The following SMIM35 variants were observed in gnomAD, a reference collection of about 807,000 sequenced individuals.
SMIM35 encodes TMPRSS4 antisense RNA 1 (non-protein coding).
intron 1 of SMIM35, among the ~76,000 whole-genome samples, chr11:118,030,308 T>A (rs1408224507): frequency 6.6e-6 from 1 of 152,158 alleles, no homozygotes; most frequent in Non-Finnish European, 1.5e-5. Context: ...GTGTTGGGAT[T>A]ACAGGTGTGA....
At chr11:118,035,187 A>G (rs2135065562) in intron 1 of SMIM35, among the ~76,000 whole-genome samples, 1 of 152,174 alleles carries the variant, frequency 6.6e-6, no homozygotes, top group Admixed American at 6.5e-5. Flanking sequence ...CCTGACCACA[A>G]GTGATCCACC....
chr11:118,026,861 T>G (rs2058278413), intron 1 of SMIM35, among the ~76,000 whole-genome samples: 1 of 152,002 alleles, frequency 6.6e-6, no homozygotes, highest in African/African-American at 2.4e-5. Flanking sequence ...TAGCCAAGAA[T>G]CTATGGTAAA....
At chr11:118,055,733 T>C (rs753363628) in intron 1 of SMIM35, among the ~76,000 whole-genome samples, 2 of 152,220 alleles carry the variant, frequency 1.3e-5, no homozygotes, top group Non-Finnish European at 2.9e-5. Context: ...CCTCCTTGGT[T>C]ATTGATTCGA....
intron 1 of SMIM35, among the ~76,000 whole-genome samples, chr11:118,059,969 A>G (rs766479308): frequency 6.6e-6 from 1 of 152,208 alleles, no homozygotes; most frequent in Non-Finnish European, 1.5e-5. Context: ...TTAGCATTTT[A>G]TCTCATAGCC....
chr11:118,017,384 A>G (rs2135025711), intron 1 of SMIM35, among the ~76,000 whole-genome samples: 1 of 152,338 alleles, frequency 6.6e-6, no homozygotes, highest in African/African-American at 2.4e-5. Context: ...GCCTCACACA[A>G]CCTTGAAGAG....
intron 1 of SMIM35, among the ~76,000 whole-genome samples, chr11:118,026,692 C>T (rs932734978): frequency 6.6e-6 from 1 of 152,138 alleles, no homozygotes; most frequent in Non-Finnish European, 1.5e-5. Flanking sequence ...TTAGGCTGGG[C>T]GTGGTGGCTC....
At chr11:118,029,290 C>A (rs1020493624) in intron 1 of SMIM35, among the ~76,000 whole-genome samples, 1 of 152,164 alleles carries the variant, frequency 6.6e-6, no homozygotes, top group African/African-American at 2.4e-5. Flanking sequence ...AACGCCGTCT[C>A]TACAAAAATA....
chr11:118,084,986 G>A (rs1023963408), intron 1 of SMIM35, among the ~76,000 whole-genome samples: 1 of 152,130 alleles, frequency 6.6e-6, no homozygotes, highest in Non-Finnish European at 1.5e-5. Context: ...CAACCTAGGG[G>A]ACTATGAGCA....
chr11:118,065,044 A>C (rs1944450444), intron 1 of SMIM35, among the ~76,000 whole-genome samples: 1 of 152,196 alleles, frequency 6.6e-6, no homozygotes, highest in South Asian at 2.1e-4. Context: ...CCCAACTCAG[A>C]AATGACCAGA....
chr11:118,036,033 A>T (rs1591289578), intron 1 of SMIM35, among the ~76,000 whole-genome samples: 1 of 152,018 alleles, frequency 6.6e-6, no homozygotes, highest in Non-Finnish European at 1.5e-5. Flanking sequence ...GATTACAGGC[A>T]CCTGCCACCA....
chr11:118,083,438 TC>T (rs1484465321), intron 1 of SMIM35, among the ~76,000 whole-genome samples: 1 of 151,892 alleles, frequency 6.6e-6, no homozygotes, highest in Non-Finnish European at 1.5e-5. Context: ...GTCCACAGAG[TC>T]CCCTGCTGAA....
chr11:118,029,278 G>A (rs76530395), intron 1 of SMIM35, among the ~76,000 whole-genome samples: 10,497 of 152,200 alleles, frequency 0.069, 508 homozygotes, highest in Non-Finnish European at 0.1. Flanking sequence ...CCTGGCCAAC[G>A]AAACGCCGTC....
chr11:118,028,625 T>G (rs1313013890), intron 1 of SMIM35: 1 of 234,750 alleles, frequency 4.3e-6, no homozygotes, highest in African/African-American at 2.3e-5. Context: ...GGGTTTTCAG[T>G]TCGTAAAGAA....
At chr11:118,063,886 A>C (rs1944429552) in intron 1 of SMIM35, among the ~76,000 whole-genome samples, 1 of 152,218 alleles carries the variant, frequency 6.6e-6, no homozygotes, top group Admixed American at 6.5e-5. Context: ...ATCATTCGTA[A>C]TATCCTTTAT....
intron 1 of SMIM35, among the ~76,000 whole-genome samples, chr11:118,044,065 A>G (rs1244252316): frequency 6.6e-6 from 1 of 152,144 alleles, no homozygotes; most frequent in Non-Finnish European, 1.5e-5. Flanking sequence ...ATGCCAACCT[A>G]TATTTATCTC....
intron 1 of SMIM35, among the ~76,000 whole-genome samples, chr11:118,038,075 C>T (rs1943934377): frequency 6.6e-6 from 1 of 152,266 alleles, no homozygotes; most frequent in Admixed American, 6.5e-5. Flanking sequence ...ATTAGATTGT[C>T]CCACTGCTCA....
At chr11:118,022,340 C>T (rs921405934) in intron 1 of SMIM35, among the ~76,000 whole-genome samples, 3 of 151,794 alleles carry the variant, frequency 2.0e-5, no homozygotes, top group Non-Finnish European at 2.9e-5. Flanking sequence ...TGAGCCACCG[C>T]CCCTGGCCCA....
intron 1 of SMIM35, among the ~76,000 whole-genome samples, chr11:118,056,514 C>A (rs540167086): frequency 6.6e-6 from 1 of 152,212 alleles, no homozygotes; most frequent in Admixed American, 6.5e-5. Flanking sequence ...CCAGACCCCA[C>A]GAGGAGATGT....
chr11:118,021,380 T>A (rs1477897934), intron 1 of SMIM35, among the ~76,000 whole-genome samples: 1 of 152,200 alleles, frequency 6.6e-6, no homozygotes, highest in Non-Finnish European at 1.5e-5. Context: ...GTGTCTAATC[T>A]GCTATTAATC....
Sources: allele counts gnomAD v4.1 joint callset (sites outside exome capture counted in the v4.1 genomes callset), GRCh38; gene constraint gnomAD v4.1.1; transcripts MANE v1.5; gene names NCBI Gene and HGNC (gene_info 2026-07-23, HGNC 2026-07-21).